The following C10orf67 variants were observed in gnomAD, a reference collection of about 807,000 sequenced individuals.
The protein encoded by C10orf67 is chromosome 10 open reading frame 67, also known as uncharacterized protein C10orf67, mitochondrial.
Under a neutral mutation model 35.6 loss-of-function variants are expected in C10orf67, and 60 were observed. The ratio of observed to expected loss-of-function variants is 1.68; its 90% confidence interval spans 1.37 to 2.09. C10orf67 has a LOEUF of 2.09. Among genes scored for constraint, C10orf67 ranks in the 30% most tolerant of loss-of-function variants. C10orf67 has a pLI of 0.00. For missense variants in C10orf67, 474 were observed against 330.2 expected (o/e 1.44, Z -3.38); for synonymous variants, 167 against 115.8 (o/e 1.44, Z -2.84).
chr10:23,307,935 C>A (rs906430248), intron 4 of C10orf67, among the ~76,000 whole-genome samples: 1 of 152,132 alleles, frequency 6.6e-6, no homozygotes, highest in Non-Finnish European at 1.5e-5. Context: ...GATTTTTAAA[C>A]AAGAGTATTG....
intron 8 of C10orf67, among the ~76,000 whole-genome samples, chr10:23,270,998 A>T (rs1407827850): frequency 6.6e-6 from 1 of 152,198 alleles, no homozygotes; most frequent in Non-Finnish European, 1.5e-5. Flanking sequence ...AAGAGTCAAG[A>T]CCCATCAGTA....
At chr10:23,333,348 G>A (rs1377539727) in intron 1 of C10orf67, among the ~76,000 whole-genome samples, 166 bp from the exon 2 acceptor site, 2 of 152,180 alleles carry the variant, frequency 1.3e-5, no homozygotes, top group East Asian at 3.9e-4. Flanking sequence ...AGCTAATGAA[G>A]ATAATGAGAT....
chr10:23,241,894 T>C (rs191512799), intron 12 of C10orf67, among the ~76,000 whole-genome samples: 3 of 148,948 alleles, frequency 2.0e-5, no homozygotes, highest in Non-Finnish European at 3.0e-5. Flanking sequence ...TACCTAGACA[T>C]GAAAAAAAAG....
intron 13 of C10orf67, among the ~76,000 whole-genome samples, chr10:23,233,179 A>G (rs1174901735): frequency 6.6e-6 from 1 of 152,204 alleles, no homozygotes; most frequent in Non-Finnish European, 1.5e-5. Context: ...AAAAGTGTAC[A>G]TAAGAAACAT....
chr10:23,274,304 G>A (rs1843117478), intron 8 of C10orf67, among the ~76,000 whole-genome samples: 1 of 152,116 alleles, frequency 6.6e-6, no homozygotes, highest in South Asian at 2.1e-4. Context: ...CAACTGGTCT[G>A]ACTAGAATTT....
intron 1 of C10orf67, among the ~76,000 whole-genome samples, chr10:23,341,499 T>A (rs1845882922): frequency 6.6e-6 from 1 of 152,210 alleles, no homozygotes; most frequent in Admixed American, 6.5e-5. Context: ...TCGTCCTCAC[T>A]ATAGTCTATT....
At chr10:23,316,052 GC>G (rs1844695877) in intron 4 of C10orf67, among the ~76,000 whole-genome samples, 1 of 143,776 alleles carries the variant, frequency 7.0e-6, no homozygotes, top group African/African-American at 2.8e-5. Flanking sequence ...CCTGAGTTTT[GC>G]CCAGGCCTGC....
At chr10:23,331,690 A>AGAAGGGAAGGGGGAAGGGAAAAGGG (rs1845494032) in intron 2 of C10orf67, among the ~76,000 whole-genome samples, 1 of 144,080 alleles carries the variant, frequency 6.9e-6, no homozygotes, top group Non-Finnish European at 1.5e-5. Context: ...AGGGAAGGGA[A>AGAAGGGAAGGGGGAAGGGAAAAGGG]GAAGGGAAGG....
intron 5 of C10orf67, 99 bp from the exon 6 acceptor site, chr10:23,291,378 T>C: frequency 1.6e-6 from 1 of 610,074 alleles, no homozygotes; most frequent in East Asian, 2.7e-5. Context: ...CATATAATTT[T>C]CTGAATTCTA....
At chr10:23,291,573 G>A (rs1843720346) in intron 5 of C10orf67, among the ~76,000 whole-genome samples, 1 of 152,142 alleles carries the variant, frequency 6.6e-6, no homozygotes, top group Non-Finnish European at 1.5e-5. Flanking sequence ...CTGTGTCCGG[G>A]GAGGCAGCTG....
At chr10:23,308,493 T>C (rs1844372730) in intron 4 of C10orf67, among the ~76,000 whole-genome samples, 1 of 152,172 alleles carries the variant, frequency 6.6e-6, no homozygotes, top group African/African-American at 2.4e-5. Context: ...TTCTCTCCTC[T>C]TTCTTCACCC....
intron 1 of C10orf67, among the ~76,000 whole-genome samples, chr10:23,343,033 G>A (rs1367452827): frequency 6.6e-6 from 1 of 152,250 alleles, no homozygotes; most frequent in East Asian, 1.9e-4. Context: ...AGAAACATCA[G>A]CTCTACATTA....
At chr10:23,251,015 T>C (rs1429850985) in intron 10 of C10orf67, among the ~76,000 whole-genome samples, 1 of 152,140 alleles carries the variant, frequency 6.6e-6, no homozygotes, top group East Asian at 1.9e-4. Context: ...GAGAATTACA[T>C]AAGCCCAGGA....
At chr10:23,202,418 G>C (rs1564450630), downstream of C10orf67, 1 of 151,390 alleles carries the variant, frequency 6.6e-6, no homozygotes, top group Non-Finnish European at 1.5e-5. Context: ...TAATTACACT[G>C]CTGTCCAGCC....
intron 12 of C10orf67, among the ~76,000 whole-genome samples, chr10:23,247,061 A>G (rs1842335052): frequency 6.6e-6 from 1 of 152,222 alleles, no homozygotes; most frequent in African/African-American, 2.4e-5. Context: ...AAAAGTTTTA[A>G]AAATTAGAGA....
chr10:23,293,804 G>A (rs777670378), intron 5 of C10orf67, among the ~76,000 whole-genome samples: 6 of 152,150 alleles, frequency 3.9e-5, no homozygotes, highest in South Asian at 2.1e-4. Context: ...ATTGAATCTC[G>A]AAAGAATCAT....
intron 2 of C10orf67, among the ~76,000 whole-genome samples, chr10:23,322,882 A>G (rs1845014377): frequency 6.6e-6 from 1 of 152,186 alleles, no homozygotes; most frequent in Admixed American, 6.5e-5. Flanking sequence ...GAAAAAATGT[A>G]CATTATGATA....
intron 15 of C10orf67, among the ~76,000 whole-genome samples, chr10:23,215,429 G>C (rs1841405197): frequency 6.6e-6 from 1 of 151,904 alleles, no homozygotes; most frequent in African/African-American, 2.4e-5. Context: ...GAGTAGCTGG[G>C]ATTACAGGCG....
chr10:23,280,003 G>A (rs915209457), intron 8 of C10orf67, among the ~76,000 whole-genome samples: 10 of 152,012 alleles, frequency 6.6e-5, no homozygotes, highest in Non-Finnish European at 1.0e-4. Flanking sequence ...GCAGGCATGC[G>A]CTACCATGCC....
Sources: allele counts gnomAD v4.1 joint callset (sites outside exome capture counted in the v4.1 genomes callset), GRCh38; gene constraint gnomAD v4.1.1; transcripts MANE v1.5; gene names NCBI Gene and HGNC (gene_info 2026-07-23, HGNC 2026-07-21).